The following UBE3D variants were observed in gnomAD, a reference collection of about 807,000 sequenced individuals.
UBE3D encodes the protein E3 ubiquitin-protein ligase E3D.
In UBE3D, 48 loss-of-function variants were observed where a neutral mutation model predicts 49.6. That is an observed-to-expected ratio of 0.97 (90% CI 0.77 to 1.23). The LOEUF is 1.23. Ranked by LOEUF, UBE3D falls within the 50% of genes most tolerant of loss-of-function variation. UBE3D has a pLI of 0.00. For synonymous variants in UBE3D, 189 were observed against 174.2 expected (o/e 1.08, Z -0.67); for missense variants, 452 against 468.4 (o/e 0.96, Z 0.32).
At chr6:82,935,764 A>T (rs2127749605) in intron 9 of UBE3D, among the ~76,000 whole-genome samples, 1 of 152,318 alleles carries the variant, frequency 6.6e-6, no homozygotes, top group East Asian at 1.9e-4. Context: ...GCAATGAGTG[A>T]TAGATCTTCA....
intron 4 of UBE3D, among the ~76,000 whole-genome samples, chr6:83,041,138 T>C (rs1395279557): frequency 2.0e-5 from 3 of 152,248 alleles, no homozygotes; most frequent in Admixed American, 6.5e-5. Context: ...ATATTGGTAT[T>C]GTAATAGCAA....
At chr6:82,990,892 A>G (rs143194575) in intron 8 of UBE3D, among the ~76,000 whole-genome samples, 2 of 152,254 alleles carry the variant, frequency 1.3e-5, no homozygotes, top group African/African-American at 4.8e-5. Context: ...TTTTCAAGGC[A>G]TGTCTTTGGC....
rs1341249690 is a variant in UBE3D at position 83,065,780 on chromosome 6, A to T, written c.-62T>A. The T allele has an allele frequency of 7.9e-6, 12 of 1,517,102 alleles. No homozygotes were observed. The highest frequency in any genetic ancestry group is 9.0e-6 in the Non-Finnish European group (10 of 1,113,546). 94.0% of individuals were successfully genotyped at this position (1,517,102 alleles called of 1,614,324 possible). A position where few individuals can be genotyped will look rare whatever the true frequency, so the allele number is the denominator to read the frequency against. Reference sequence around the variant, plus strand: ...GTTCCGAGGGGCCCGGGTCAACAGGACCAGGAGAGGTTCCACGTGCGGACC... The same window carrying T: ...GTTCCGAGGGGCCCGGGTCAACAGGTCCAGGAGAGGTTCCACGTGCGGACC... On this transcript the variant is annotated 5_prime_UTR_variant, in exon 1 of 10. Transcript: ENST00000369747.
chr6:82,972,621 C>T (rs190179292), intron 8 of UBE3D, among the ~76,000 whole-genome samples: 2 of 152,188 alleles, frequency 1.3e-5, no homozygotes, highest in East Asian at 3.9e-4. Flanking sequence ...TGGAAATACC[C>T]TGGTTTTAGT....
intron 3 of UBE3D, among the ~76,000 whole-genome samples, chr6:83,051,926 G>A (rs528393560): frequency 1.2e-4 from 18 of 152,154 alleles, no homozygotes; most frequent in Non-Finnish European, 1.5e-4. Context: ...GTTGGTAGAA[G>A]GCCAAAACAA....
chr6:83,036,221 A>G (rs1782243154), intron 5 of UBE3D: 1 of 151,886 alleles, frequency 6.6e-6, no homozygotes, highest in Non-Finnish European at 1.5e-5. Context: ...ACAGGGTTTC[A>G]CCATGTTGGC....
At chr6:83,061,047 A>G (rs976314670) in intron 1 of UBE3D, among the ~76,000 whole-genome samples, 1 of 152,232 alleles carries the variant, frequency 6.6e-6, no homozygotes, top group Non-Finnish European at 1.5e-5. Flanking sequence ...TAAGTGCTCA[A>G]AGTTAACATA....
At chr6:82,985,716 T>A (rs1044157245) in intron 8 of UBE3D, among the ~76,000 whole-genome samples, 3 of 152,180 alleles carry the variant, frequency 2.0e-5, no homozygotes, top group African/African-American at 7.2e-5. Context: ...CCGTGTAACA[T>A]GTAAAGATTA....
In UBE3D at chr6:82,989,388, T is replaced by C. The variant is rs141319117; in HGVS notation, c.1010+29585A>G. 4.8e-3 allele frequency among the ~76,000 whole-genome samples: 733 copies of C among 152,124 alleles called. 4 individuals carry two copies. The highest frequency in any genetic ancestry group is 0.016 in the African/African-American group (668 of 41,500). ...AGTTGGCTACATGGCATCTAGTATATTCACCCATCAGTTAGAAAGATAATT... is the reference window on the plus strand; with the variant it reads ...AGTTGGCTACATGGCATCTAGTATACTCACCCATCAGTTAGAAAGATAATT... On this transcript the variant is annotated intron_variant, in intron 8 of 9. Coordinates refer to ENST00000369747, the MANE Select transcript of UBE3D (RefSeq NM_198920.3).
At chr6:82,939,908 A>G (rs1191280723) in intron 9 of UBE3D, among the ~76,000 whole-genome samples, 2 of 152,200 alleles carry the variant, frequency 1.3e-5, no homozygotes, top group Non-Finnish European at 2.9e-5. Flanking sequence ...GCTTCTCTCA[A>G]TAAAGCAAAG....
intron 8 of UBE3D, among the ~76,000 whole-genome samples, chr6:83,003,419 G>A (rs75400726): frequency 0.01 from 1,555 of 152,062 alleles, 25 homozygotes; most frequent in East Asian, 0.082. Context: ...TTTATTATAC[G>A]TCTTATTTTC....
At chr6:82,998,792 T>C (rs1044749251) in intron 8 of UBE3D, among the ~76,000 whole-genome samples, 3 of 152,236 alleles carry the variant, frequency 2.0e-5, no homozygotes, top group Admixed American at 1.3e-4. Context: ...TCCATCACTA[T>C]AATAATACTT....
chr6:83,008,282 CAT>C lies in UBE3D; in HGVS notation c.1010+10689_1010+10690del, dbSNP rs547872612. Among the ~76,000 whole-genome samples, 247 of 152,294 alleles carry C rather than the reference CAT, an allele frequency of 1.6e-3. 1 individual carries two copies. The highest frequency in any genetic ancestry group is 3.7e-3 in the Admixed American group (57 of 15,294). Reference sequence around the variant, plus strand: ...GAGGCTAAATTACTCCCAGTCTACACATGAGGCCACAGGTGAACTGATGAATT... The same window carrying C: ...GAGGCTAAATTACTCCCAGTCTACACGAGGCCACAGGTGAACTGATGAATT... On this transcript the variant is annotated intron_variant, in intron 8 of 9. Coordinates refer to ENST00000369747, the MANE Select transcript of UBE3D (RefSeq NM_198920.3).
At chr6:82,920,352 T>C (rs1241613322) in intron 9 of UBE3D, among the ~76,000 whole-genome samples, 4 of 152,214 alleles carry the variant, frequency 2.6e-5, no homozygotes, top group Admixed American at 6.5e-5. Context: ...ACAAGGTAAA[T>C]TGGCTTCTGC....
At chr6:83,020,967 T>C (rs1198018252) in intron 7 of UBE3D, among the ~76,000 whole-genome samples, 2 of 152,206 alleles carry the variant, frequency 1.3e-5, no homozygotes, top group African/African-American at 4.8e-5. Context: ...CTATGATTCT[T>C]GACTATCCAG....
chr6:83,055,006 A>G (rs1011998213), intron 2 of UBE3D, among the ~76,000 whole-genome samples: 5 of 151,932 alleles, frequency 3.3e-5, no homozygotes, highest in African/African-American at 1.2e-4. Context: ...ATATAACCAT[A>G]TGAACAAACA....
chr6:82,953,513 C>T (rs1775945803), intron 9 of UBE3D, among the ~76,000 whole-genome samples: 1 of 152,186 alleles, frequency 6.6e-6, no homozygotes, highest in Non-Finnish European at 1.5e-5. Flanking sequence ...TGCTTCTGCC[C>T]TGAGTGTATA....
At chr6:82,999,137 A>C (rs546719317) in intron 8 of UBE3D, among the ~76,000 whole-genome samples, 1 of 152,270 alleles carries the variant, frequency 6.6e-6, no homozygotes, top group South Asian at 2.1e-4. Flanking sequence ...CCTATCTTAC[A>C]GATAAAACAG....
chr6:82,963,762 C>T (rs952768901), intron 8 of UBE3D, among the ~76,000 whole-genome samples: 3 of 152,110 alleles, frequency 2.0e-5, no homozygotes, highest in Admixed American at 6.5e-5. Context: ...CACAGACACA[C>T]CCAGGATCAA....
Sources: gnomAD v4.1 joint callset for allele counts (sites outside exome capture counted in the v4.1 genomes callset) on GRCh38, gnomAD v4.1.1 for gene constraint, MANE v1.5 for transcripts, NCBI Gene and HGNC (gene_info 2026-07-23, HGNC 2026-07-21) for gene names.